SGIP1: variants seen among roughly 807,000 people sequenced by gnomAD.
SGIP1 encodes SH3GL interacting endocytic adaptor 1.
In SGIP1, 38 loss-of-function variants were observed where a neutral mutation model predicts 107.5. That is an observed-to-expected ratio of 0.35 (90% CI 0.27 to 0.46). The LOEUF is 0.46. SGIP1 is among the 20% of genes least tolerant of loss of function. The pLI is 1.00. For missense variants in SGIP1, 929 were observed against 1,019.5 expected (o/e 0.91, Z 1.21); for synonymous variants, 365 against 366.1 (o/e 1.00, Z 0.03).
intron 1 of SGIP1, among the ~76,000 whole-genome samples, chr1:66,587,161 A>C (rs2062762863): frequency 6.6e-6 from 1 of 152,060 alleles, no homozygotes; most frequent in South Asian, 2.1e-4. Flanking sequence ...ATCACAGCAT[A>C]TATCATTTCT....
At chr1:66,610,787 C>T (rs931625426) in intron 1 of SGIP1, among the ~76,000 whole-genome samples, 19 of 151,652 alleles carry the variant, frequency 1.3e-4, no homozygotes, top group African/African-American at 4.6e-4. Flanking sequence ...TTCAATTTCT[C>T]AAAAATATTT....
At chr1:66,652,696 AC>A (rs1464248107) in intron 7 of SGIP1, among the ~76,000 whole-genome samples, 1 of 148,960 alleles carries the variant, frequency 6.7e-6, no homozygotes, top group Non-Finnish European at 1.5e-5. Flanking sequence ...TGGTAACACC[AC>A]CCCCTTTCCT....
At chr1:66,727,564 C>G (rs1449745276) in intron 19 of SGIP1, among the ~76,000 whole-genome samples, 1 of 152,222 alleles carries the variant, frequency 6.6e-6, no homozygotes, top group African/African-American at 2.4e-5. Context: ...TATATTCATA[C>G]TAATACCCGT....
At chr1:66,552,940 T>C (rs769949490) in intron 1 of SGIP1, among the ~76,000 whole-genome samples, 1 of 152,174 alleles carries the variant, frequency 6.6e-6, no homozygotes, top group African/African-American at 2.4e-5. Flanking sequence ...TCTCATTCCC[T>C]AATTTTCAAG....
At chr1:66,587,436 G>A (rs1395492756) in intron 1 of SGIP1, among the ~76,000 whole-genome samples, 7 of 151,164 alleles carry the variant, frequency 4.6e-5, no homozygotes, top group Non-Finnish European at 1.0e-4. Context: ...CTGGTTCACT[G>A]ATTCTTTTCT....
intron 18 of SGIP1, 132 bp from the exon 19 acceptor site, chr1:66,719,162 C>A (rs560607541): frequency 3.6e-6 from 2 of 561,676 alleles, no homozygotes; most frequent in Non-Finnish European, 6.4e-6. Context: ...TACAGAGTTA[C>A]GGTTCTTAGC....
At position 66,615,088 on chromosome 1, in the gene SGIP1, T is replaced by G. The variant is rs535190850; in HGVS notation, c.11-10759T>G. On this transcript the variant is annotated intron_variant, in intron 1 of 24. Coordinates refer to ENST00000371037, the MANE Select transcript of SGIP1 (RefSeq NM_032291.4). ...CACCCACCTCGGTCTCCTAAAACAC[T>G]GGGATTACAGGCAGGAGCCTCTGCC... Among the ~76,000 whole-genome samples, 478 of 152,098 alleles carry G rather than the reference T, an allele frequency of 3.1e-3. 2 individuals are homozygous for G. The highest frequency in any genetic ancestry group is 0.011 in the African/African-American group (453 of 41,484).
At chr1:66,555,991 C>A (rs1239894241) in intron 1 of SGIP1, among the ~76,000 whole-genome samples, 1 of 152,102 alleles carries the variant, frequency 6.6e-6, no homozygotes, top group Non-Finnish European at 1.5e-5. Context: ...TACAGATGTG[C>A]AATCATTAGC....
At chr1:66,714,049 C>T (rs2093082869) in intron 18 of SGIP1, among the ~76,000 whole-genome samples, 2 of 152,126 alleles carry the variant, frequency 1.3e-5, no homozygotes, top group Admixed American at 1.3e-4. Flanking sequence ...TCTAATTCAA[C>T]AACCTCAGTA....
At chr1:66,570,743 A>G (rs1044588490) in intron 1 of SGIP1, among the ~76,000 whole-genome samples, 2 of 151,938 alleles carry the variant, frequency 1.3e-5, no homozygotes, top group African/African-American at 4.8e-5. Flanking sequence ...TTTTGTCCTC[A>G]TCACTTGCTC....
chr1:66,577,474 C>T (rs1381527293), intron 1 of SGIP1, among the ~76,000 whole-genome samples: 2 of 152,158 alleles, frequency 1.3e-5, no homozygotes, highest in East Asian at 3.9e-4. Context: ...TTAATTTCAT[C>T]CTTCCCGGCT....
chr1:66,593,515 A>G (rs1438815121), intron 1 of SGIP1, among the ~76,000 whole-genome samples: 4 of 152,360 alleles, frequency 2.6e-5, no homozygotes. Flanking sequence ...CTGATTTGAC[A>G]CATAGCTCCC....
intron 13 of SGIP1, among the ~76,000 whole-genome samples, chr1:66,678,885 G>A (rs1327146817): frequency 1.3e-5 from 2 of 152,196 alleles, no homozygotes; most frequent in Non-Finnish European, 2.9e-5. Context: ...GGGATGGCCT[G>A]TGAAATTAGT....
intron 1 of SGIP1, among the ~76,000 whole-genome samples, chr1:66,612,537 TTCTCAAC>T (rs1182936724): frequency 7.9e-5 from 12 of 152,382 alleles, no homozygotes; most frequent in African/African-American, 2.9e-4. Context: ...AGTTTACTAT[TTCTCAAC>T]TCTCAACTAA....
At chr1:66,624,808 A>G (rs2072191823) in intron 1 of SGIP1, among the ~76,000 whole-genome samples, 1 of 152,184 alleles carries the variant, frequency 6.6e-6, no homozygotes, top group African/African-American at 2.4e-5. Flanking sequence ...ATATTTGAAT[A>G]ATACTCACTA....
At chr1:66,581,651 G>T (rs769606073) in intron 1 of SGIP1, among the ~76,000 whole-genome samples, 1 of 151,842 alleles carries the variant, frequency 6.6e-6, no homozygotes, top group Non-Finnish European at 1.5e-5. Context: ...TTTGCCTGTC[G>T]CATCCTCAGC....
Position 66,568,539 on chromosome 1 carries a change from G to A in SGIP1, c.10+34171G>A, listed in dbSNP as rs144717500. Among the ~76,000 whole-genome samples the A allele has an allele frequency of 6.9e-3, 1,050 of 152,132 alleles. 7 individuals are homozygous for A. Among genetic ancestry groups the A allele is most frequent in the Admixed American group, 0.014 (219 of 15,266 alleles). ...TGAACTTCCAATACTATGTTGAATA[G>A]GAGTGGTGAGAGAGGACGTCCTTGT... On this transcript the variant is annotated intron_variant, in intron 1 of 24. Transcript: ENST00000371037.
intron 7 of SGIP1, among the ~76,000 whole-genome samples, chr1:66,651,124 G>C (rs1266587754): frequency 6.6e-6 from 1 of 152,168 alleles, no homozygotes; most frequent in South Asian, 2.1e-4. Context: ...TAAAAGAGGT[G>C]CTTAGTAAAT....
intron 1 of SGIP1, among the ~76,000 whole-genome samples, chr1:66,544,020 TG>T (rs1473878961): frequency 6.6e-6 from 1 of 152,130 alleles, no homozygotes; most frequent in Non-Finnish European, 1.5e-5. Context: ...TTCTATTGGG[TG>T]TTACTTGTGG....
Sources: allele counts gnomAD v4.1 joint callset (sites outside exome capture counted in the v4.1 genomes callset), GRCh38; gene constraint gnomAD v4.1.1; transcripts MANE v1.5; gene names NCBI Gene and HGNC (gene_info 2026-07-23, HGNC 2026-07-21).